The following NPEPPS variants were observed in gnomAD, a reference collection of about 807,000 sequenced individuals.
NPEPPS encodes aminopeptidase puromycin sensitive, also known as puromycin-sensitive aminopeptidase.
Under a neutral mutation model 115.5 loss-of-function variants are expected in NPEPPS, and 14 were observed. That is an observed-to-expected ratio of 0.12 (90% CI 0.08 to 0.19). NPEPPS has a LOEUF of 0.19. Among genes scored for constraint, NPEPPS ranks in the 10% least tolerant of loss-of-function variants. NPEPPS has a pLI of 1.00. For synonymous variants in NPEPPS, 285 were observed against 390.6 expected, an observed-to-expected ratio of 0.73 and a Z score of 3.19; for missense variants, 523 against 1,110.8, an observed-to-expected ratio of 0.47 and a Z score of 7.52.
chr17:47,616,638 T>C (rs980977479), intron 19 of NPEPPS, among the ~76,000 whole-genome samples: 3 of 151,226 alleles, frequency 2.0e-5, no homozygotes, highest in Admixed American at 2.0e-4. Context: ...GAGCCGATAT[T>C]GTGCCATTGC....
chr17:47,572,249 TATAAAAAATAAA>T (rs1361858292), intron 3 of NPEPPS, among the ~76,000 whole-genome samples: 2 of 152,124 alleles, frequency 1.3e-5, no homozygotes, highest in East Asian at 1.9e-4. Flanking sequence ...ACCCTGTCTC[TATAAAAAATAAA>T]ATAAAAAATA....
At chr17:47,545,749 A>T (rs1244091788) in intron 1 of NPEPPS, among the ~76,000 whole-genome samples, 160 bp from the exon 2 acceptor site, 2 of 151,960 alleles carry the variant, frequency 1.3e-5, no homozygotes, top group Non-Finnish European at 2.9e-5. Flanking sequence ...GGGTTTCGCC[A>T]TGTTTTCCAG....
At chr17:47,537,520 C>T (rs909951162) in intron 1 of NPEPPS, among the ~76,000 whole-genome samples, 4 of 151,900 alleles carry the variant, frequency 2.6e-5, no homozygotes, top group South Asian at 2.1e-4. Flanking sequence ...GGTGAAACCC[C>T]GTCTCTACAA....
intron 2 of NPEPPS, among the ~76,000 whole-genome samples, chr17:47,557,076 C>A (rs1365206032): frequency 1.3e-5 from 2 of 152,026 alleles, no homozygotes; most frequent in Non-Finnish European, 2.9e-5. Context: ...GTTTACTTTG[C>A]AAGGTTTTTT....
Position 47,556,748 on chromosome 17 carries a change from A to G in NPEPPS, c.340+10755A>G, listed in dbSNP as rs142595691. ...CCTCCGGGACGGGGCGGCTCAAGCA[A>G]TTCTCTTGCCTCTGCCTCCCAAGTA... On this transcript the variant is annotated intron_variant, in intron 2 of 22. Coordinates refer to ENST00000322157, the MANE Select transcript of NPEPPS (RefSeq NM_006310.4). 2.6e-5 allele frequency among the ~76,000 whole-genome samples: 4 copies of G among 152,196 alleles called. No homozygotes were observed. In the East Asian group the frequency reaches 5.8e-4, roughly 22 times the overall value.
chr17:47,583,649 T>G (rs1364604369), intron 5 of NPEPPS, among the ~76,000 whole-genome samples: 1 of 151,610 alleles, frequency 6.6e-6, no homozygotes, highest in Non-Finnish European at 1.5e-5. Context: ...GTACAGTGAC[T>G]CTTGCTTGTA....
intron 9 of NPEPPS, among the ~76,000 whole-genome samples, chr17:47,589,241 C>G (rs1261326439): frequency 2.0e-4 from 31 of 152,044 alleles, no homozygotes; most frequent in Admixed American, 1.8e-3. Flanking sequence ...GCTACCACAC[C>G]TGGCCTTTTC....
intron 2 of NPEPPS, among the ~76,000 whole-genome samples, chr17:47,559,197 C>T (rs1193631264): frequency 2.0e-5 from 3 of 152,174 alleles, no homozygotes; most frequent in Non-Finnish European, 2.9e-5. Flanking sequence ...ATATACGCTA[C>T]CGTGGTGCCT....
intron 2 of NPEPPS, among the ~76,000 whole-genome samples, chr17:47,561,413 C>T (rs533084676): frequency 6.7e-6 from 1 of 148,836 alleles, no homozygotes; most frequent in East Asian, 2.0e-4. Context: ...TGTTGGTTTT[C>T]GTCCACAGTT....
In NPEPPS at chr17:47,555,653, G is replaced by A. The variant is rs1043938781; in HGVS notation, c.340+9660G>A. 2.0e-5 allele frequency among the ~76,000 whole-genome samples: 3 copies of A among 151,848 alleles called. No homozygotes were observed. The Admixed American group carries it at 2.0e-4, about 10-fold the overall frequency. On this transcript the variant is annotated intron_variant, in intron 2 of 22. Coordinates refer to ENST00000322157, the MANE Select transcript of NPEPPS (RefSeq NM_006310.4). Reference sequence around the variant, plus strand: ...CAAGCCACCGCGCCCGGCCATGTATGCTGTTCTTAAGTGTGAAGCTGGAAG... The same window carrying A: ...CAAGCCACCGCGCCCGGCCATGTATACTGTTCTTAAGTGTGAAGCTGGAAG...
chr17:47,565,825 A>G (rs1478285265), intron 2 of NPEPPS, among the ~76,000 whole-genome samples: 1 of 152,106 alleles, frequency 6.6e-6, no homozygotes, highest in Non-Finnish European at 1.5e-5. Flanking sequence ...GTCTCAAAAA[A>G]AAAAAAAAGT....
At chr17:47,529,371 GGGATCATAGGCACACGTCACCA>G (rs1907567408), upstream of NPEPPS, among the ~76,000 whole-genome samples, 1 of 149,888 alleles carries the variant, frequency 6.7e-6, no homozygotes, top group African/African-American at 2.5e-5. Flanking sequence ...CCGAGTAGCT[GGGATCATAGGCACACGTCACCA>G]CACCTGGGCC....
intron 2 of NPEPPS, among the ~76,000 whole-genome samples, chr17:47,558,652 C>A (rs893383301): frequency 3.9e-5 from 6 of 152,232 alleles, no homozygotes; most frequent in Non-Finnish European, 5.9e-5. Flanking sequence ...TGGTCTTGAA[C>A]TCCTGTCCTC....
chr17:47,569,282 T>TG (rs1310507401), intron 2 of NPEPPS, 135 bp from the exon 3 acceptor site: 1 of 613,600 alleles, frequency 1.6e-6, no homozygotes, highest in Non-Finnish European at 3.0e-6. Context: ...ATGAAACTCT[T>TG]GCTAATAGGA....
intron 2 of NPEPPS, among the ~76,000 whole-genome samples, chr17:47,564,315 C>T (rs1185406213): frequency 6.6e-6 from 1 of 152,064 alleles, no homozygotes; most frequent in African/African-American, 2.4e-5. Context: ...ATTGCCAGTG[C>T]TTGAGCCCAG....
chr17:47,619,199 G>A (rs368126035), intron 21 of NPEPPS, 35 bp downstream of exon 21: 2 of 1,566,528 alleles, frequency 1.3e-6, no homozygotes, highest in African/African-American at 1.3e-5. Context: ...TGCTAATCAT[G>A]GATATTATTT....
At chr17:47,540,106 C>T (rs1444868430) in intron 1 of NPEPPS, among the ~76,000 whole-genome samples, 2 of 152,154 alleles carry the variant, frequency 1.3e-5, no homozygotes. Context: ...TCATAGGAAA[C>T]TTCCATTGTA....
At chr17:47,575,067 C>T (rs1911428552) in intron 3 of NPEPPS, among the ~76,000 whole-genome samples, 1 of 152,200 alleles carries the variant, frequency 6.6e-6, no homozygotes, top group Non-Finnish European at 1.5e-5. Flanking sequence ...CCACATTGTG[C>T]TATCTTTATT....
At chr17:47,567,767 C>T (rs1272865656) in intron 2 of NPEPPS, among the ~76,000 whole-genome samples, 6 of 152,086 alleles carry the variant, frequency 3.9e-5, no homozygotes, top group Non-Finnish European at 4.4e-5. Context: ...CTGTTATGGA[C>T]AAATATGTGG....
Sources: allele counts gnomAD v4.1 joint callset (sites outside exome capture counted in the v4.1 genomes callset), GRCh38; gene constraint gnomAD v4.1.1; transcripts MANE v1.5; gene names NCBI Gene and HGNC (gene_info 2026-07-23, HGNC 2026-07-21).